TMC2: variants seen among roughly 807,000 people sequenced by gnomAD.
TMC2 encodes the protein transmembrane channel-like protein 2.
A neutral mutation model predicts 105.9 loss-of-function variants in TMC2; 102 were observed. That is an observed-to-expected ratio of 0.96 (90% CI 0.82 to 1.14). The LOEUF is 1.14. Ranked by LOEUF, TMC2 falls within the 50% of genes most tolerant of loss-of-function variation. The pLI is 0.00. For synonymous variants in TMC2, 402 were observed against 422.8 expected (o/e 0.95, Z 0.60); for missense variants, 1,093 against 1,134.3 (o/e 0.96, Z 0.52).
chr20:2,571,404 C>T (rs936765730), intron 4 of TMC2, among the ~76,000 whole-genome samples: 1 of 152,180 alleles, frequency 6.6e-6, no homozygotes, highest in Admixed American at 6.5e-5. Flanking sequence ...AGAAAATTCT[C>T]ATCATCACTA....
intron 17 of TMC2, among the ~76,000 whole-genome samples, chr20:2,632,433 C>A (rs6050703): frequency 0.76 from 114,579 of 151,692 alleles, 43,387 homozygotes; most frequent in East Asian, 0.86. Flanking sequence ...TGATCATATT[C>A]TTTGATCATA....
At chr20:2,636,459 TACACAC>T (rs3051763) in intron 18 of TMC2, among the ~76,000 whole-genome samples, 1,727 of 143,512 alleles carry the variant, frequency 0.012, 30 homozygotes, top group African/African-American at 0.036. Flanking sequence ...GACTGCTGTC[TACACAC>T]ACACACACAC....
chr20:2,638,413 G>A (rs2086665111), intron 19 of TMC2, among the ~76,000 whole-genome samples: 1 of 151,562 alleles, frequency 6.6e-6, no homozygotes, highest in African/African-American at 2.4e-5. Flanking sequence ...ACTCAATAAT[G>A]ATAATAATTA....
chr20:2,582,529 G>T (rs943283537), intron 7 of TMC2, among the ~76,000 whole-genome samples: 1 of 152,190 alleles, frequency 6.6e-6, no homozygotes, highest in Admixed American at 6.5e-5. Flanking sequence ...GGGTTGGAGT[G>T]CAGTGGCACA....
At chr20:2,577,865 G>A (rs919629621) in intron 5 of TMC2, among the ~76,000 whole-genome samples, 2 of 151,910 alleles carry the variant, frequency 1.3e-5, no homozygotes, top group Non-Finnish European at 2.9e-5. Flanking sequence ...ACCTGCACTC[G>A]GCCTGGGCAG....
At chr20:2,577,851 C>T (rs1226798697) in intron 5 of TMC2, among the ~76,000 whole-genome samples, 2 of 151,972 alleles carry the variant, frequency 1.3e-5, no homozygotes, top group Non-Finnish European at 2.9e-5. Context: ...GCCATGTTTG[C>T]GCCACCTGCA....
Position 2,641,181 on chromosome 20 carries a change from G to A in TMC2, c.2551G>A (p.Ala851Thr). The A allele has an allele frequency of 1.9e-6, 3 of 1,614,080 alleles. No homozygotes were observed. The highest frequency in any genetic ancestry group is 2.5e-6 in the Non-Finnish European group (3 of 1,179,974). ...ASQSQAMDKK[A>T]QGPGTSNSAS... is the part of the protein sequence containing the mutation. ...CCAAAGCCAGGCCATGGACAAGAAG[G>A]CGCAGGGCCCTGGGACCTCCAATTC... Residue 851 changes from alanine (A) to threonine (T), a missense_variant, in exon 20 of 20, where the codon GCG becomes ACG. Ala to Thr is a moderately conservative substitution (Grantham distance 58). Transcript: ENST00000358864.
In TMC2 at chr20:2,579,225, A is replaced by G. The variant is rs1022006890; in HGVS notation, c.725A>G (p.Glu242Gly). The G allele has an allele frequency of 1.3e-5, 21 of 1,573,064 alleles. No homozygotes were observed. Among genetic ancestry groups the G allele is most frequent in the Non-Finnish European group, 1.6e-5 (18 of 1,142,748 alleles). ...TGGGAAATGAAGATCAAGGACATTG[A>G]AAGTGAGTATGCTGGTGTCACTGTT... is the stretch of plus-strand genomic sequence containing the variant. ...IPWEMKIKDI[E>G]SHFGSSVASY... The change falls in exon 6 of 20, where the codon GAA becomes GGA. Residue 242 changes from glutamate (E) to glycine (G), a missense_variant and splice_region_variant. Glu to Gly is a moderately conservative substitution (Grantham distance 98). Transcript: ENST00000358864.
At chr20:2,546,527 G>A (rs1476392583) in intron 2 of TMC2, among the ~76,000 whole-genome samples, 5 of 152,168 alleles carry the variant, frequency 3.3e-5, no homozygotes, top group Non-Finnish European at 7.3e-5. Context: ...GTCTACATCT[G>A]AGGCTGTCTG....
Position 2,634,586 on chromosome 20 carries a change from G to C in TMC2, c.2307-1340G>C, listed in dbSNP as rs539698926. Among the ~76,000 whole-genome samples, 8 of 152,266 alleles carry C rather than the reference G, an allele frequency of 5.3e-5. No individual in the cohort carries two copies. In the South Asian group the frequency reaches 1.5e-3, roughly 28 times the overall value. On this transcript the variant is annotated intron_variant, in intron 17 of 19. Coordinates refer to ENST00000358864, the MANE Select transcript of TMC2 (RefSeq NM_080751.3). Reference sequence around the variant, plus strand: ...CCAGACACCAAACCTGACCCTGAAGGCACCAAGGAGAAATGCTAAATTTGG... The same window carrying C: ...CCAGACACCAAACCTGACCCTGAAGCCACCAAGGAGAAATGCTAAATTTGG...
In TMC2 at chr20:2,632,585, TTTTTTGTTTTTG is replaced by T. The variant is rs751642134; in HGVS notation, c.2307-3329_2307-3318del. Among the ~76,000 whole-genome samples, 36 of 151,780 alleles carry T rather than the reference TTTTTTGTTTTTG, an allele frequency of 2.4e-4. No individual in the cohort carries two copies. The Middle Eastern group carries it at 0.02, about 86-fold the overall frequency. On this transcript the variant is annotated intron_variant, in intron 17 of 19. Transcript: ENST00000358864. ...TGTATGTCTTACTAGATTTTTGGGGTTTTTTGTTTTTGTTTTTGTTTTTTTACAGAGTCTCAC... is the reference window on the plus strand; with the variant it reads ...TGTATGTCTTACTAGATTTTTGGGGTTTTTTGTTTTTTTACAGAGTCTCAC...
At chr20:2,539,183 T>C (rs2085872026) in intron 2 of TMC2, among the ~76,000 whole-genome samples, 1 of 152,212 alleles carries the variant, frequency 6.6e-6, no homozygotes, top group South Asian at 2.1e-4. Context: ...CTTGGAGGCC[T>C]TCCTAGCAAG....
intron 17 of TMC2, among the ~76,000 whole-genome samples, chr20:2,627,182 C>T (rs912294481): frequency 3.3e-5 from 5 of 152,174 alleles, no homozygotes; most frequent in African/African-American, 7.2e-5. Context: ...AGCCTCCAGT[C>T]GTATACTGAG....
chr20:2,633,485 A>AT (rs1224704632), intron 17 of TMC2, among the ~76,000 whole-genome samples: 28 of 143,978 alleles, frequency 1.9e-4, no homozygotes, highest in African/African-American at 7.9e-4. Flanking sequence ...CCCAACTGTT[A>AT]TGCAACACTT....
intron 1 of TMC2, 37 bp downstream of exon 1, chr20:2,536,692 A>G (rs2122782725): frequency 6.4e-7 from 1 of 1,560,846 alleles, no homozygotes; most frequent in Non-Finnish European, 8.7e-7. Flanking sequence ...GCCCGCCCAC[A>G]GGGTTCCTGG....
intron 5 of TMC2, among the ~76,000 whole-genome samples, chr20:2,577,839 G>A (rs1454863550): frequency 2.0e-5 from 3 of 152,132 alleles, no homozygotes; most frequent in Non-Finnish European, 4.4e-5. Context: ...AGGCTGCAGT[G>A]AGCCATGTTT....
At chr20:2,550,787 A>C (rs1326423251) in intron 2 of TMC2, among the ~76,000 whole-genome samples, 1 of 152,198 alleles carries the variant, frequency 6.6e-6, no homozygotes, top group African/African-American at 2.4e-5. Flanking sequence ...TATGCATTTA[A>C]GTTTCCCTCA....
chr20:2,642,627 G>A lies in TMC2; in HGVS notation c.*1276G>A, dbSNP rs774164704. Among the ~76,000 whole-genome samples, 2 of 152,136 alleles carry A rather than the reference G, an allele frequency of 1.3e-5. No homozygotes were observed. The highest frequency in any genetic ancestry group is 2.9e-5 in the Non-Finnish European group (2 of 68,018). On this transcript the variant is annotated 3_prime_UTR_variant, in exon 20 of 20. Coordinates refer to ENST00000358864, the MANE Select transcript of TMC2 (RefSeq NM_080751.3). ...TATGCAGAATATTTCTTAGGGGGAAGAAGCCAGGGGCCAGACCATTAAGAA... is the reference window on the plus strand; with the variant it reads ...TATGCAGAATATTTCTTAGGGGGAAAAAGCCAGGGGCCAGACCATTAAGAA...
intron 2 of TMC2, among the ~76,000 whole-genome samples, chr20:2,553,727 G>A (rs546969464): frequency 9.2e-5 from 14 of 152,230 alleles, no homozygotes; most frequent in African/African-American, 3.1e-4. Context: ...ATTAATTGCC[G>A]AGACAATTTC....
Sources: allele counts gnomAD v4.1 joint callset (sites outside exome capture counted in the v4.1 genomes callset), GRCh38; gene constraint gnomAD v4.1.1; transcripts MANE v1.5; gene names NCBI Gene and HGNC (gene_info 2026-07-23, HGNC 2026-07-21).